The following CSMD1 variants were observed in gnomAD, a reference collection of about 807,000 sequenced individuals.
CSMD1 encodes CUB and Sushi multiple domains 1.
CSMD1 carries 213 observed loss-of-function variants against 417.5 expected under a neutral mutation model. The observed-to-expected ratio is 0.51, with a 90% CI of 0.46 to 0.57. The LOEUF is 0.57. CSMD1 is among the 20% of genes least tolerant of loss of function. The pLI, the probability that CSMD1 is intolerant of heterozygous loss-of-function variation, is 0.00. For synonymous variants in CSMD1, 2,862 were observed against 1,736.8 expected (o/e 1.65, Z -16.11); for missense variants, 6,923 against 4,529.7 (o/e 1.53, Z -15.17).
intron 5 of CSMD1, among the ~76,000 whole-genome samples, chr8:3,818,808 C>G (rs1481771086): frequency 1.3e-5 from 2 of 152,158 alleles, no homozygotes; most frequent in Non-Finnish European, 2.9e-5. Context: ...CCCTCTTTCC[C>G]TTTGAGTCGC....
At chr8:3,224,682 A>G (rs561021098) in intron 27 of CSMD1, among the ~76,000 whole-genome samples, 2 of 152,338 alleles carry the variant, frequency 1.3e-5, no homozygotes, top group South Asian at 4.1e-4. Context: ...GTTTGAAGTC[A>G]TCAATTTTGA....
intron 7 of CSMD1, among the ~76,000 whole-genome samples, chr8:3,705,423 G>A (rs12544104): frequency 0.43 from 64,691 of 152,010 alleles, 14,344 homozygotes; most frequent in East Asian, 0.56. Context: ...GTCTGGCTTT[G>A]GTGAAGCCAG....
rs182383095 is a variant in CSMD1, at chr8:4,728,714, A to T, written c.86-91156T>A. The stretch of plus-strand genomic sequence containing the variant: ...ATTGTTTTACATATTTCTATTTGTG[A>T]TCGTATTTCAGTAGATGCTCAATTA... On this transcript the variant is annotated intron_variant, in intron 1 of 69. Transcript: ENST00000635120. 1.9e-3 allele frequency among the ~76,000 whole-genome samples: 295 copies of T among 152,216 alleles called. 1 individual carries two copies. Among genetic ancestry groups the T allele is most frequent in the African/African-American group, 6.9e-3 (287 of 41,534 alleles).
intron 3 of CSMD1, among the ~76,000 whole-genome samples, chr8:4,392,155 G>T (rs1017726721): frequency 1.3e-5 from 2 of 152,146 alleles, no homozygotes; most frequent in Non-Finnish European, 2.9e-5. Flanking sequence ...CACTGAAACT[G>T]TCATGGGCAT....
chr8:4,529,503 T>C (rs184581081), intron 2 of CSMD1, among the ~76,000 whole-genome samples: 20 of 152,334 alleles, frequency 1.3e-4, no homozygotes, highest in Admixed American at 2.6e-4. Context: ...TATTTAATTA[T>C]GAATAAATTT....
chr8:3,265,839 T>C (rs1264973776), intron 26 of CSMD1, among the ~76,000 whole-genome samples: 1 of 152,042 alleles, frequency 6.6e-6, no homozygotes, highest in Admixed American at 6.6e-5. Flanking sequence ...GAGACCTGGG[T>C]GATGCAGTAG....
chr8:3,217,919 AG>A (rs749865740), intron 29 of CSMD1, among the ~76,000 whole-genome samples: 1 of 152,200 alleles, frequency 6.6e-6, no homozygotes, highest in Non-Finnish European at 1.5e-5. Flanking sequence ...CATTTTTTAA[AG>A]AAAACCCTCC....
chr8:3,850,660 A>C (rs1039746511), intron 5 of CSMD1, among the ~76,000 whole-genome samples: 2 of 152,120 alleles, frequency 1.3e-5, no homozygotes, highest in African/African-American at 2.4e-5. Context: ...GCACCACTGC[A>C]CTCCAGCCTG....
chr8:3,186,930 C>T (rs564373210), intron 36 of CSMD1, among the ~76,000 whole-genome samples: 1 of 152,278 alleles, frequency 6.6e-6, no homozygotes, highest in South Asian at 2.1e-4. Flanking sequence ...TTAGTAGAGA[C>T]AGGGTTTCGC....
chr8:4,429,401 A>G (rs1277294978), intron 2 of CSMD1, among the ~76,000 whole-genome samples: 10 of 152,166 alleles, frequency 6.6e-5, no homozygotes, highest in Non-Finnish European at 1.3e-4. Context: ...ACTATATCGG[A>G]CAAAGAAAAA....
intron 26 of CSMD1, among the ~76,000 whole-genome samples, chr8:3,274,814 A>G (rs191358265): frequency 1.7e-3 from 261 of 152,140 alleles, no homozygotes; most frequent in Middle Eastern, 0.017. Flanking sequence ...TTTTGAGCCT[A>G]TGTGTGTCTG....
intron 3 of CSMD1, among the ~76,000 whole-genome samples, chr8:4,052,441 A>AG (rs1179609722): frequency 6.6e-6 from 1 of 152,156 alleles, no homozygotes; most frequent in African/African-American, 2.4e-5. Context: ...TCTTGTAGTG[A>AG]GGGGTGATTT....
At chr8:4,616,971 T>G (rs201888378) in intron 2 of CSMD1, among the ~76,000 whole-genome samples, 47,172 of 151,820 alleles carry the variant, frequency 0.31, 7,908 homozygotes, top group Non-Finnish European at 0.37. Flanking sequence ...AGATTTCTTT[T>G]TTTTACCTAA....
At chr8:3,562,014 G>T (rs1799487732) in intron 10 of CSMD1, among the ~76,000 whole-genome samples, 3 of 152,042 alleles carry the variant, frequency 2.0e-5, no homozygotes, top group African/African-American at 7.2e-5. Flanking sequence ...TGAAGGAGGA[G>T]TCCTGACTTT....
At chr8:3,253,199 T>A (rs910890434) in intron 26 of CSMD1, among the ~76,000 whole-genome samples, 5 of 152,100 alleles carry the variant, frequency 3.3e-5, no homozygotes, top group African/African-American at 7.2e-5. Context: ...CACTGCTTTG[T>A]ATGTGTCCCA....
Position 4,181,180 on chromosome 8 carries a change from A to G in CSMD1, c.416-149081T>C, listed in dbSNP as rs141290979. Among the ~76,000 whole-genome samples, 7 of 152,296 alleles carry G rather than the reference A, an allele frequency of 4.6e-5. No individual in the cohort carries two copies. In the East Asian group the frequency reaches 1.4e-3, roughly 29 times the overall value. ...TTGCTTTAAAAGTAAATGAGAAAGCATTGAATAAATAGACATCCCATATAG... is the reference window on the plus strand; with the variant it reads ...TTGCTTTAAAAGTAAATGAGAAAGCGTTGAATAAATAGACATCCCATATAG... On this transcript the variant is annotated intron_variant, in intron 3 of 69. Transcript: ENST00000635120.
chr8:3,819,048 T>C (rs893603779), intron 5 of CSMD1, among the ~76,000 whole-genome samples: 3 of 152,198 alleles, frequency 2.0e-5, no homozygotes, highest in African/African-American at 7.2e-5. Flanking sequence ...AAACATTTCC[T>C]GTTTGTAGGA....
At chr8:4,683,344 C>T (rs1418137617) in intron 1 of CSMD1, among the ~76,000 whole-genome samples, 1 of 152,000 alleles carries the variant, frequency 6.6e-6, no homozygotes, top group Non-Finnish European at 1.5e-5. Flanking sequence ...GTACACAGGC[C>T]CATTTGGAGT....
chr8:4,484,906 G>A (rs1003328968), intron 2 of CSMD1, among the ~76,000 whole-genome samples: 1 of 144,188 alleles, frequency 6.9e-6, no homozygotes, highest in East Asian at 2.2e-4. Flanking sequence ...CCGGGAGGCA[G>A]AGGTTGCAGT....
Sources: allele counts gnomAD v4.1 joint callset (sites outside exome capture counted in the v4.1 genomes callset), GRCh38; gene constraint gnomAD v4.1.1; transcripts MANE v1.5; gene names NCBI Gene and HGNC (gene_info 2026-07-23, HGNC 2026-07-21).